Variants in LEF1 observed in about 807,000 individuals in gnomAD.
LEF1 encodes lymphoid enhancer-binding factor 1.
In LEF1, 14 loss-of-function variants were observed where a neutral mutation model predicts 51.2. That is an observed-to-expected ratio of 0.27 (90% CI 0.18 to 0.43). The LOEUF (loss-of-function observed/expected upper bound fraction) is 0.43, where lower values mean the gene tolerates loss of function less well. Ranked by LOEUF, LEF1 falls within the 20% of genes least tolerant of loss-of-function variation. LEF1 has a pLI of 1.00. For missense variants in LEF1, 386 were observed against 512.0 expected, an observed-to-expected ratio of 0.75 and a Z score of 2.37; for synonymous variants, 185 against 183.2, an observed-to-expected ratio of 1.01 and a Z score of -0.08.
At chr4:108,050,074 T>C (rs1736880309) in intron 11 of LEF1, among the ~76,000 whole-genome samples, 1 of 152,218 alleles carries the variant, frequency 6.6e-6, no homozygotes. Flanking sequence ...AAAGAAGCTA[T>C]TTGTATACCT....
At chr4:108,141,908 C>T (rs1743685111) in intron 3 of LEF1, among the ~76,000 whole-genome samples, 1 of 152,068 alleles carries the variant, frequency 6.6e-6, no homozygotes. Flanking sequence ...GAGGGAAATA[C>T]ATTTGCTTTT....
rs55978980 is a variant in LEF1 at position 108,150,269 on chromosome 4, C to A, written c.414+13299G>T. ...TTCTTATGTAATAAGGAGGCAACATCATTTGCCAAAAAGATTCTAAGAATA... is the reference window on the plus strand; with the variant it reads ...TTCTTATGTAATAAGGAGGCAACATAATTTGCCAAAAAGATTCTAAGAATA... On this transcript the variant is annotated intron_variant, in intron 3 of 11. Transcript: ENST00000265165. Among the ~76,000 whole-genome samples, 146 of 152,290 alleles carry A rather than the reference C, an allele frequency of 9.6e-4. 2 individuals carry two copies. Among genetic ancestry groups the A allele is most frequent in the African/African-American group, 3.5e-3 (144 of 41,576 alleles).
intron 3 of LEF1, among the ~76,000 whole-genome samples, chr4:108,127,262 T>G (rs1742604826): frequency 6.6e-6 from 1 of 152,202 alleles, no homozygotes. Flanking sequence ...GGTTCTTTTT[T>G]GGGAAGGCTC....
chr4:108,166,189 C>T (rs947036431), intron 1 of LEF1: 12 of 1,419,574 alleles, frequency 8.5e-6, no homozygotes, highest in Non-Finnish European at 1.1e-5. Context: ...CGCCCCCAGC[C>T]CGCTCAAACT....
chr4:108,115,697 T>C (rs2110323844), intron 3 of LEF1, among the ~76,000 whole-genome samples: 1 of 152,332 alleles, frequency 6.6e-6, no homozygotes, highest in East Asian at 1.9e-4. Context: ...AAAAAGAATC[T>C]GTAATGGAAA....
rs144371271 is a variant in LEF1, at chr4:108,081,546, C to A, written c.722+40G>T. On this transcript the variant is annotated intron_variant, in intron 6 of 11. Transcript: ENST00000265165. Reference sequence around the variant, plus strand: ...GCACAGGATGCAAGCACGAGAAGAGCAACTTGTCCTCGAGCGCCCCAGTTT... The same window carrying A: ...GCACAGGATGCAAGCACGAGAAGAGAAACTTGTCCTCGAGCGCCCCAGTTT... 5.6e-5 allele frequency: 85 copies of A among 1,522,856 alleles called. No homozygotes were observed. In the African/African-American group the frequency reaches 9.3e-4, roughly 17 times the overall value. The allele number at this position is 1,522,856 out of a possible 1,614,324, so 94.3% of individuals were successfully genotyped here.
chr4:108,085,273 A>G (rs1426302305), intron 4 of LEF1, among the ~76,000 whole-genome samples: 1 of 152,160 alleles, frequency 6.6e-6, no homozygotes, highest in South Asian at 2.1e-4. Flanking sequence ...TAGTAGAGAC[A>G]GGGCTTCGCC....
intron 3 of LEF1, among the ~76,000 whole-genome samples, chr4:108,121,400 C>T (rs780784288): frequency 6.6e-6 from 1 of 152,176 alleles, no homozygotes; most frequent in Admixed American, 6.5e-5. Flanking sequence ...CCCAGAGGTA[C>T]AGACACTACA....
intron 9 of LEF1, among the ~76,000 whole-genome samples, chr4:108,067,941 CA>C (rs1259858291): frequency 3.3e-5 from 5 of 152,034 alleles, no homozygotes; most frequent in Non-Finnish European, 7.4e-5. Context: ...AAGCCTGGCT[CA>C]GGGGTGAAAA....
At chr4:108,134,627 AT>A (rs1434368919) in intron 3 of LEF1, among the ~76,000 whole-genome samples, 1 of 152,246 alleles carries the variant, frequency 6.6e-6, no homozygotes, top group African/African-American at 2.4e-5. Flanking sequence ...CCAAAACAGG[AT>A]AAAAAAGAGC....
chr4:108,099,006 C>A (rs1240648829), intron 3 of LEF1, among the ~76,000 whole-genome samples: 2 of 151,996 alleles, frequency 1.3e-5, no homozygotes, highest in Non-Finnish European at 2.9e-5. Flanking sequence ...TAGGTCGAGC[C>A]CTTGAAAGGT....
intron 11 of LEF1, among the ~76,000 whole-genome samples, chr4:108,049,891 T>C (rs1279231080): frequency 6.6e-6 from 1 of 152,238 alleles, no homozygotes; most frequent in African/African-American, 2.4e-5. Context: ...TGGTGATCTA[T>C]GGAATGGGAA....
chr4:108,116,971 C>T (rs1331770762), intron 3 of LEF1, among the ~76,000 whole-genome samples: 4 of 152,352 alleles, frequency 2.6e-5, no homozygotes, highest in South Asian at 2.1e-4. Flanking sequence ...CCAAAGGTGG[C>T]AACGTGTGAC....
At chr4:108,140,460 C>T (rs757476484) in intron 3 of LEF1, among the ~76,000 whole-genome samples, 2 of 152,082 alleles carry the variant, frequency 1.3e-5, no homozygotes, top group Non-Finnish European at 2.9e-5. Flanking sequence ...ACCCAGGGAC[C>T]GGAGGGGATT....
intron 2 of LEF1, among the ~76,000 whole-genome samples, chr4:108,164,513 A>G (rs568035013): frequency 3.3e-5 from 5 of 152,344 alleles, no homozygotes; most frequent in Admixed American, 2.0e-4. Context: ...ATTCTCCTTA[A>G]GTCTAAATAC....
In LEF1 at chr4:108,047,839, A is replaced by C. The variant is rs1297083413; in HGVS notation, c.*919T>G. On this transcript the variant is annotated 3_prime_UTR_variant, in exon 12 of 12. Coordinates refer to ENST00000265165, the MANE Select transcript of LEF1 (RefSeq NM_016269.5). Reference sequence around the variant, plus strand: ...AAGAAATGAAAATTCACTGCAAACCAGTCTGCTGAACGCATCTGTTAAGGT... The same window carrying C: ...AAGAAATGAAAATTCACTGCAAACCCGTCTGCTGAACGCATCTGTTAAGGT... The C allele has an allele frequency of 1.3e-5, 2 of 152,674 alleles. No homozygotes were observed. The highest frequency in any genetic ancestry group is 4.8e-5 in the African/African-American group (2 of 41,470). The allele number at this position is 152,674 out of a possible 1,614,324, so 9.5% of individuals were successfully genotyped here.
chr4:108,128,485 GA>G (rs1425825053), intron 3 of LEF1, among the ~76,000 whole-genome samples: 1 of 147,606 alleles, frequency 6.8e-6, no homozygotes, highest in Non-Finnish European at 1.5e-5. Context: ...ATTCTCAAGG[GA>G]AAAAAGCAGA....
At chr4:108,160,909 A>G in intron 3 of LEF1, among the ~76,000 whole-genome samples, 1 of 152,094 alleles carries the variant, frequency 6.6e-6, no homozygotes, top group East Asian at 1.9e-4. Flanking sequence ...CCCCCACCCC[A>G]GGTGTTTTTC....
At chr4:108,064,274 A>T in intron 10 of LEF1, 62 bp downstream of exon 10, 1 of 1,130,644 alleles carries the variant, frequency 8.8e-7, no homozygotes, top group Non-Finnish European at 1.3e-6. Context: ...AGAGATGCAA[A>T]CTGCCTTAAA....
Sources: gnomAD v4.1 joint callset for allele counts (sites outside exome capture counted in the v4.1 genomes callset) on GRCh38, gnomAD v4.1.1 for gene constraint, MANE v1.5 for transcripts, NCBI Gene and HGNC (gene_info 2026-07-23, HGNC 2026-07-21) for gene names.